PLCB1: variants seen among roughly 807,000 people sequenced by gnomAD.
PLCB1 encodes 1-phosphatidylinositol 4,5-bisphosphate phosphodiesterase beta-1.
Under a neutral mutation model 161.8 loss-of-function variants are expected in PLCB1, and 46 were observed. The ratio of observed to expected loss-of-function variants is 0.28; its 90% CI spans 0.22 to 0.36. PLCB1 has a LOEUF of 0.36. PLCB1 is among the 10% of genes least tolerant of loss of function. The pLI is 1.00. For synonymous variants in PLCB1, 517 were observed against 503.7 expected (o/e 1.03, Z -0.35); for missense variants, 1,016 against 1,472.5 (o/e 0.69, Z 5.07).
intron 2 of PLCB1, among the ~76,000 whole-genome samples, chr20:8,302,501 C>T (rs368385168): frequency 8.5e-5 from 13 of 152,260 alleles, no homozygotes; most frequent in African/African-American, 3.1e-4. Flanking sequence ...TTTAATTATA[C>T]TTTATCTAAT....
Position 8,835,863 on chromosome 20 carries a change from A to G in PLCB1, c.3423+45602A>G, listed in dbSNP as rs149038407. Among the ~76,000 whole-genome samples the G allele has an allele frequency of 9.5e-5, 9 of 94,702 alleles. 1 individual carries two copies. In the East Asian group the frequency reaches 8.5e-3, roughly 89 times the overall value. The allele number at this position is 94,702 out of a possible 152,430, so 62.1% of individuals were successfully genotyped here. The stretch of plus-strand genomic sequence containing the variant: ...CCACTTCAAAACTTAGTGACTTGAA[A>G]ACAAATCACTGTTGAGACAATAACC... On this transcript the variant is annotated intron_variant, in intron 31 of 31. Transcript: ENST00000338037.
At chr20:8,491,201 T>C (rs1982932127) in intron 3 of PLCB1, among the ~76,000 whole-genome samples, 1 of 152,074 alleles carries the variant, frequency 6.6e-6, no homozygotes, top group Non-Finnish European at 1.5e-5. Context: ...GCTTAGGTCT[T>C]ATAAAAAATA....
intron 2 of PLCB1, among the ~76,000 whole-genome samples, chr20:8,262,055 TTTTG>T (rs1049894513): frequency 3.3e-5 from 5 of 151,900 alleles, no homozygotes; most frequent in African/African-American, 4.8e-5. Context: ...TTATGTGCGT[TTTTG>T]TTTGTTTGTT....
Position 8,150,345 on chromosome 20 carries a change from T to G in PLCB1, c.151T>G (p.Phe51Val), listed in dbSNP as rs988072254. Residue 51 changes from phenylalanine (F) to valine (V), a missense_variant, in exon 2 of 32, where the codon TTC (phenylalanine) becomes GTC (valine). Physicochemically the swap from Phe to Val is conservative, Grantham distance 50. Transcript: ENST00000338037. ...IILRTDPQGF[F>V]FYWTDQNKET... The stretch of plus-strand genomic sequence containing the variant: ...TTTGAGGACTGACCCTCAGGGATTT[T>G]TCTTTTACTGGACAGATCAAAACAA... 2.6e-6 allele frequency: 4 copies of G among 1,565,046 alleles called. No homozygotes were observed. In the African/African-American group the frequency reaches 5.4e-5, roughly 21 times the overall value.
chr20:8,743,164 G>A (rs1459597541), intron 23 of PLCB1, among the ~76,000 whole-genome samples: 5 of 152,132 alleles, frequency 3.3e-5, no homozygotes, highest in African/African-American at 1.2e-4. Flanking sequence ...TCTTCATTCA[G>A]TTTGATACTA....
At chr20:8,780,040 G>T (rs1431304265) in intron 27 of PLCB1, among the ~76,000 whole-genome samples, 2 of 152,232 alleles carry the variant, frequency 1.3e-5, no homozygotes, top group African/African-American at 4.8e-5. Flanking sequence ...TAAACCCCAG[G>T]TAAGGACTTT....
chr20:8,828,552 A>T (rs1238539490), intron 31 of PLCB1, among the ~76,000 whole-genome samples: 7 of 152,200 alleles, frequency 4.6e-5, no homozygotes, highest in Non-Finnish European at 8.8e-5. Flanking sequence ...AGAGTACATT[A>T]TCTCTTATTG....
rs149138380 is a variant in PLCB1, at chr20:8,663,072, A to G, written c.862+4368A>G. On this transcript the variant is annotated intron_variant, in intron 9 of 31. Transcript: ENST00000338037. ...GGTGTTGATCTCAGTGCTGATGTGG[A>G]AATTGAGTCTTATTTACCTGAGAAA... Among the ~76,000 whole-genome samples, 11 of 144,298 alleles carry G rather than the reference A, an allele frequency of 7.6e-5. No homozygotes were observed. In the East Asian group the frequency reaches 2.3e-3, roughly 30 times the overall value. 94.7% of individuals were successfully genotyped at this position (144,298 alleles called of 152,430 possible).
rs376614893 is a variant in PLCB1, at chr20:8,438,659, C to T, written c.246+67209C>T. Among the ~76,000 whole-genome samples, 5 of 152,314 alleles carry T rather than the reference C, an allele frequency of 3.3e-5. No homozygotes were observed. The South Asian group carries it at 6.2e-4, about 19-fold the overall frequency. On this transcript the variant is annotated intron_variant, in intron 3 of 31. Transcript: ENST00000338037. ...TGTCTAGGGTGCGTCAGGATTCAGA[C>T]GACTGCAGTTCCTGGCCAAGTACCC...
At position 8,241,525 on chromosome 20, in the gene PLCB1, G is replaced by T. The variant is rs527687411; in HGVS notation, c.177+91154G>T. 1.4e-4 allele frequency among the ~76,000 whole-genome samples: 21 copies of T among 152,032 alleles called. No individual in the cohort carries two copies. The South Asian group carries it at 3.7e-3, about 27-fold the overall frequency. On this transcript the variant is annotated intron_variant, in intron 2 of 31. Coordinates refer to ENST00000338037, the MANE Select transcript of PLCB1 (RefSeq NM_015192.4). ...GATGTTGAAGCAAAGTTCTGTAGGA[G>T]TAAAAAAAATACAAGAAGTGCAATG...
At position 8,884,602 on chromosome 20, in the gene PLCB1, G is replaced by A. The variant is rs1278994231; in HGVS notation, c.*2753G>A. ...GTCATTAAGTAATTCCCAAAAAAAGGGCCATTTGCTTGCATTACTTTGAAT... is the reference window on the plus strand; with the variant it reads ...GTCATTAAGTAATTCCCAAAAAAAGAGCCATTTGCTTGCATTACTTTGAAT... On this transcript the variant is annotated 3_prime_UTR_variant, in exon 32 of 32. Transcript: ENST00000338037. 2 of 152,324 alleles carry A rather than the reference G, an allele frequency of 1.3e-5. No homozygotes were observed. Among genetic ancestry groups the A allele is most frequent in the African/African-American group, 4.8e-5 (2 of 41,354 alleles). 9.4% of individuals were successfully genotyped at this position (152,324 alleles called of 1,614,324 possible). A position where few individuals can be genotyped will look rare whatever the true frequency, so the allele number is the denominator to read the frequency against.
chr20:8,455,690 A>G (rs1260496896), intron 3 of PLCB1, among the ~76,000 whole-genome samples: 3 of 152,042 alleles, frequency 2.0e-5, no homozygotes, highest in African/African-American at 7.2e-5. Context: ...ACCTCTTAGT[A>G]GACTTTGGTT....
At chr20:8,732,723 A>G (rs993876860) in intron 18 of PLCB1, among the ~76,000 whole-genome samples, 1 of 143,690 alleles carries the variant, frequency 7.0e-6, no homozygotes, top group East Asian at 2.0e-4. Context: ...ATTCTAATAT[A>G]TCTAATATAT....
intron 31 of PLCB1, among the ~76,000 whole-genome samples, chr20:8,809,323 T>G (rs1309874665): frequency 6.6e-6 from 1 of 152,136 alleles, no homozygotes; most frequent in African/African-American, 2.4e-5. Context: ...ACAAATAATT[T>G]AATACCTCTC....
At chr20:8,502,806 A>C (rs1983478707) in intron 3 of PLCB1, among the ~76,000 whole-genome samples, 1 of 152,144 alleles carries the variant, frequency 6.6e-6, no homozygotes, top group African/African-American at 2.4e-5. Context: ...CATTTTCCTG[A>C]TGACCCCTAG....
At chr20:8,776,291 C>T (rs571109909) in intron 27 of PLCB1, among the ~76,000 whole-genome samples, 8 of 152,314 alleles carry the variant, frequency 5.3e-5, no homozygotes, top group Admixed American at 1.3e-4. Context: ...TAGTGACTTT[C>T]CCAAGGATCC....
intron 6 of PLCB1, among the ~76,000 whole-genome samples, chr20:8,649,081 A>T (rs1476137417): frequency 6.6e-6 from 1 of 152,188 alleles, no homozygotes; most frequent in East Asian, 1.9e-4. Context: ...ATTAATAAGG[A>T]TGTTTATTTT....
chr20:8,717,065 G>A (rs570654931), intron 13 of PLCB1, among the ~76,000 whole-genome samples: 3 of 152,266 alleles, frequency 2.0e-5, no homozygotes, highest in Admixed American at 1.3e-4. Flanking sequence ...TGATTTTCCC[G>A]TTAGATGTAC....
At chr20:8,422,846 A>G (rs1979597431) in intron 3 of PLCB1, among the ~76,000 whole-genome samples, 1 of 152,134 alleles carries the variant, frequency 6.6e-6, no homozygotes, top group Non-Finnish European at 1.5e-5. Context: ...CTGGGTTCAA[A>G]TCTGAGCCTA....
Sources: allele counts gnomAD v4.1 joint callset (sites outside exome capture counted in the v4.1 genomes callset), GRCh38; gene constraint gnomAD v4.1.1; transcripts MANE v1.5; gene names NCBI Gene and HGNC (gene_info 2026-07-23, HGNC 2026-07-21).